The following DET1 variants were observed in gnomAD, a reference collection of about 807,000 sequenced individuals.
The protein encoded by DET1 is DET1 partner of COP1 E3 ubiquitin ligase, also known as DET1 homolog.
A neutral mutation model predicts 43.7 loss-of-function variants in DET1; 22 were observed. The ratio of observed to expected loss-of-function variants is 0.50; its 90% confidence interval spans 0.36 to 0.72. The LOEUF is 0.72. DET1 is among the 30% of genes least tolerant of loss of function. The probability of loss-of-function intolerance (pLI) is 0.00; values close to 1 mark genes in which losing one functional copy is unlikely to be tolerated. For synonymous variants in DET1, 315 were observed against 266.2 expected (o/e 1.18, Z -1.79); for missense variants, 713 against 713.3 (o/e 1.00, Z 0.00).
chr15:88,527,489 A>G (rs1026252741), intron 3 of DET1, 110 bp downstream of exon 3: 1 of 1,017,536 alleles, frequency 9.8e-7, no homozygotes, highest in African/African-American at 1.6e-5. Context: ...AAGCAGAATA[A>G]CCAAAGCTAT....
chr15:88,534,222 G>A (rs542633368), intron 1 of DET1, among the ~76,000 whole-genome samples: 1 of 152,224 alleles, frequency 6.6e-6, no homozygotes, highest in South Asian at 2.1e-4. Flanking sequence ...TAAATCACAG[G>A]CCATAAAAGT....
rs1434210099 is a variant in DET1 at position 88,515,538 on chromosome 15, TATAAAAAAAAAAAAA to T, written c.1463+1229_1463+1243del. 2.7e-4 allele frequency among the ~76,000 whole-genome samples: 13 copies of T among 47,480 alleles called. No individual in the cohort carries two copies. The East Asian group carries it at 5.1e-3, about 19-fold the overall frequency. The allele number at this position is 47,480 out of a possible 152,430, so 31.1% of individuals were successfully genotyped here. On this transcript the variant is annotated intron_variant, in intron 4 of 4. Coordinates refer to ENST00000268148, the MANE Select transcript of DET1 (RefSeq NM_001144074.3). ...TGGGCAACAGACAGAGACTCCGTCTTATAAAAAAAAAAAAAAAAAAAAAAAAAAAAGACCGAAGGG... is the reference window on the plus strand; with the variant it reads ...TGGGCAACAGACAGAGACTCCGTCTTAAAAAAAAAAAAAAAGACCGAAGGG...
chr15:88,541,910 T>G (rs1276086027), intron 1 of DET1, among the ~76,000 whole-genome samples: 1 of 152,154 alleles, frequency 6.6e-6, no homozygotes, highest in Admixed American at 6.5e-5. Context: ...CACCGCCCAA[T>G]TGCCTCCCGG....
chr15:88,524,811 C>A (rs961723344), intron 3 of DET1, among the ~76,000 whole-genome samples: 1 of 152,122 alleles, frequency 6.6e-6, no homozygotes, highest in Non-Finnish European at 1.5e-5. Context: ...ACAAACACTG[C>A]GGAAGGCCAC....
chr15:88,527,302 C>G (rs1038787274), intron 3 of DET1, among the ~76,000 whole-genome samples: 1 of 152,314 alleles, frequency 6.6e-6, no homozygotes, highest in Admixed American at 6.5e-5. Flanking sequence ...TTTTCTTATT[C>G]ATTCAATAAA....
chr15:88,535,486 T>C (rs1226734714), intron 1 of DET1, among the ~76,000 whole-genome samples: 1 of 150,692 alleles, frequency 6.6e-6, no homozygotes, highest in African/African-American at 2.4e-5. Flanking sequence ...TTGGTGGTGG[T>C]GGCACACATC....
In DET1 at chr15:88,530,960, G is replaced by C. The variant is rs564333901; in HGVS notation, c.746C>G (p.Thr249Ser). Residue 249 changes from threonine (T) to serine (S), a missense_variant, in exon 2 of 5, where the codon ACT (threonine) becomes AGT (serine). Thr to Ser is a moderately conservative substitution (Grantham distance 58, BLOSUM62 1). Transcript: ENST00000268148. ...GCCAATGGTCCGCACATCAATGAAA[G>C]TGCCTTCAGGAGTCACCTGGAAGAC... ...IHVFQVTPEG[T>S]FIDVRTIGRF... The C allele has an allele frequency of 6.2e-6, 10 of 1,613,918 alleles. No individual in the cohort carries two copies. In the Admixed American group the frequency reaches 1.0e-4, roughly 16 times the overall value.
At chr15:88,521,978 C>A (rs1366661189) in intron 3 of DET1, among the ~76,000 whole-genome samples, 4 of 151,530 alleles carry the variant, frequency 2.6e-5, no homozygotes, top group Non-Finnish European at 1.5e-5. Context: ...GTGCTTCCTG[C>A]TTTCTGTGGT....
At chr15:88,524,195 C>G (rs549745111) in intron 3 of DET1, among the ~76,000 whole-genome samples, 9 of 151,924 alleles carry the variant, frequency 5.9e-5, no homozygotes, top group Non-Finnish European at 1.0e-4. Flanking sequence ...AGGAGTGTCT[C>G]TGCCCCACCG....
At chr15:88,519,154 A>T (rs896988357) in intron 3 of DET1, among the ~76,000 whole-genome samples, 2 of 152,170 alleles carry the variant, frequency 1.3e-5, no homozygotes, top group Non-Finnish European at 2.9e-5. Context: ...AAATCAAAGC[A>T]TCTGTGATAA....
At chr15:88,530,503 G>C in intron 2 of DET1, 120 bp downstream of exon 2, 1 of 1,465,544 alleles carries the variant, frequency 6.8e-7, no homozygotes, top group Non-Finnish European at 9.0e-7. Context: ...TGGGCCCTAG[G>C]ATATCAATTC....
intron 1 of DET1, among the ~76,000 whole-genome samples, chr15:88,541,467 G>C (rs2165249): frequency 6.6e-6 from 1 of 151,328 alleles, no homozygotes; most frequent in South Asian, 2.1e-4. Flanking sequence ...CAAATCTCTC[G>C]TCCCACCTTA....
chr15:88,531,264 T>A lies in DET1; in HGVS notation c.442A>T (p.Thr148Ser), dbSNP rs772209141. 6.2e-7 allele frequency: 1 copy of A among 1,613,686 alleles called. No homozygotes were observed. The highest frequency in any genetic ancestry group is 8.5e-7 in the Non-Finnish European group (1 of 1,179,808). Residue 148 changes from threonine to serine, a missense_variant, in exon 2 of 5, where the codon ACT becomes TCT. Coordinates refer to ENST00000268148, the MANE Select transcript of DET1 (RefSeq NM_001144074.3). This position sits in a 1 kb window ranked among gnomAD's most constrained non-coding sequence, Gnocchi z 6.2. ...ACGATGACACAGCGGCAGTCATCAG[T>A]GAAGAGACTACACTCCCGGTTCAGG... Reference protein sequence around the residue: ...EHLNRECSLFTDDCRCVIVGS... With the variant: ...EHLNRECSLFSDDCRCVIVGS...
At chr15:88,537,218 G>T (rs1383591311) in intron 1 of DET1, among the ~76,000 whole-genome samples, 1 of 152,146 alleles carries the variant, frequency 6.6e-6, no homozygotes, top group Non-Finnish European at 1.5e-5. Flanking sequence ...TATTGCAATG[G>T]TAAGCACTGT....
intron 3 of DET1, 147 bp downstream of exon 3, chr15:88,527,452 G>A (rs991776022): frequency 3.0e-6 from 2 of 670,346 alleles, no homozygotes; most frequent in African/African-American, 1.9e-5. Flanking sequence ...ACAGAAAGAA[G>A]TTCAGGAAGA....
At chr15:88,522,406 G>A (rs563098739) in intron 3 of DET1, among the ~76,000 whole-genome samples, 7 of 150,516 alleles carry the variant, frequency 4.7e-5, no homozygotes, top group Non-Finnish European at 5.9e-5. Flanking sequence ...TTCTCTTCTA[G>A]GTCCCTTCTC....
chr15:88,510,026 G>A (rs1452553488), downstream of DET1, among the ~76,000 whole-genome samples: 2 of 152,220 alleles, frequency 1.3e-5, no homozygotes, highest in African/African-American at 4.8e-5. Flanking sequence ...CTCCTCTCTT[G>A]TTTAATCACT....
At chr15:88,532,077 G>A (rs966656982) in intron 1 of DET1, 1 of 171,578 alleles carries the variant, frequency 5.8e-6, no homozygotes, top group African/African-American at 2.4e-5. Context: ...CGAAGCAAGT[G>A]GATCACCTGA....
At chr15:88,536,263 C>T in intron 1 of DET1, 4 of 750,918 alleles carry the variant, frequency 5.3e-6, no homozygotes, top group South Asian at 1.4e-5. Context: ...TACTGATACA[C>T]CCTATATTAT....
Sources: gnomAD v4.1 joint callset for allele counts (sites outside exome capture counted in the v4.1 genomes callset) on GRCh38, gnomAD v4.1.1 for gene constraint, Gnocchi (gnomAD v3.1) non-coding constraint, MANE v1.5 for transcripts, NCBI Gene and HGNC (gene_info 2026-07-23, HGNC 2026-07-21) for gene names.